The following ATAD1 variants were observed in gnomAD, a reference collection of about 807,000 sequenced individuals.
ATAD1 encodes outer mitochondrial transmembrane helix translocase.
Under a neutral mutation model 42.7 loss-of-function variants are expected in ATAD1, and 18 were observed. That is an observed-to-expected ratio of 0.42 (90% CI 0.29 to 0.63). ATAD1 has a LOEUF of 0.63. Among genes scored for constraint, ATAD1 ranks in the 20% least tolerant of loss-of-function variants. The pLI is 0.19. For synonymous variants in ATAD1, 132 were observed against 143.1 expected (o/e 0.92, Z 0.55); for missense variants, 294 against 440.4 (o/e 0.67, Z 2.98).
intron 8 of ATAD1, among the ~76,000 whole-genome samples, chr10:87,764,468 C>A (rs1388723927): frequency 1.3e-5 from 2 of 151,970 alleles, no homozygotes; most frequent in African/African-American, 4.8e-5. Context: ...TCACAAAAAA[C>A]AAACAAACAA....
At chr10:87,807,255 C>G (rs1477088344) in intron 2 of ATAD1, among the ~76,000 whole-genome samples, 2 of 152,112 alleles carry the variant, frequency 1.3e-5, no homozygotes, top group Non-Finnish European at 2.9e-5. Context: ...TTTTCCATTA[C>G]AAGCAGGGCT....
chr10:87,752,298 G>A lies in ATAD1; in HGVS notation c.*2389C>T, dbSNP rs980905337. 6.6e-6 allele frequency: 1 copy of A among 152,106 alleles called. No individual in the cohort carries two copies. Among genetic ancestry groups the A allele is most frequent in the African/African-American group, 2.4e-5 (1 of 41,412 alleles). The allele number at this position is 152,106 out of a possible 1,614,324, so 9.4% of individuals were successfully genotyped here. On this transcript the variant is annotated 3_prime_UTR_variant, in exon 10 of 10. Coordinates refer to ENST00000680024, the MANE Select transcript of ATAD1 (RefSeq NM_001321967.2). ...AATGATCCTTTCAGTCTCAATCCCT[G>A]GAGTACAGGCCTAGGGATTATGGAA...
intron 6 of ATAD1, among the ~76,000 whole-genome samples, chr10:87,772,682 A>G (rs1436476130): frequency 6.6e-6 from 1 of 152,158 alleles, no homozygotes; most frequent in Admixed American, 6.5e-5. Context: ...AAATAGAACC[A>G]AGGAATCCAA....
chr10:87,766,135 T>C (rs1285705415), intron 8 of ATAD1, among the ~76,000 whole-genome samples: 2 of 152,152 alleles, frequency 1.3e-5, no homozygotes, highest in South Asian at 2.1e-4. Context: ...GGCAAGACTA[T>C]AGGAAAAGAG....
chr10:87,764,076 G>T (rs1047761423), intron 8 of ATAD1, among the ~76,000 whole-genome samples: 3 of 151,852 alleles, frequency 2.0e-5, no homozygotes, highest in Non-Finnish European at 4.4e-5. Context: ...AGTGCATAAA[G>T]ACACGAAAGA....
At chr10:87,828,585 C>T (rs11202577) in intron 1 of ATAD1, among the ~76,000 whole-genome samples, 35,723 of 152,142 alleles carry the variant, frequency 0.23, 5,295 homozygotes, top group Non-Finnish European at 0.34. Context: ...CAGTAATTTA[C>T]CCAGAAGATC....
intron 5 of ATAD1, among the ~76,000 whole-genome samples, chr10:87,783,623 T>C (rs2131880457): frequency 6.6e-6 from 1 of 151,574 alleles, no homozygotes; most frequent in East Asian, 1.9e-4. Context: ...ATATATCCAA[T>C]ACTAATAATA....
intron 2 of ATAD1, among the ~76,000 whole-genome samples, chr10:87,806,669 C>T (rs926870957): frequency 5.9e-5 from 9 of 152,168 alleles, no homozygotes; most frequent in East Asian, 1.9e-4. Context: ...CTTTTCTCCG[C>T]GAATATTATG....
intron 2 of ATAD1, among the ~76,000 whole-genome samples, chr10:87,802,689 CTAT>C (rs950569718): frequency 6.6e-6 from 1 of 150,944 alleles, no homozygotes; most frequent in Admixed American, 6.6e-5. Flanking sequence ...TCTTGCTGCA[CTAT>C]ATACAAACAA....
intron 1 of ATAD1, among the ~76,000 whole-genome samples, chr10:87,823,254 T>C (rs939702525): frequency 2.0e-5 from 3 of 152,186 alleles, no homozygotes; most frequent in Non-Finnish European, 4.4e-5. Flanking sequence ...TAATCCACAA[T>C]CTGCATTTCT....
intron 1 of ATAD1, chr10:87,832,726 A>G (rs1264253678): frequency 6.6e-6 from 1 of 152,162 alleles, no homozygotes; most frequent in East Asian, 1.9e-4. Context: ...GCTATATTTT[A>G]CAAATTTGTT....
chr10:87,805,474 C>T (rs1856880609), intron 2 of ATAD1, among the ~76,000 whole-genome samples: 2 of 152,100 alleles, frequency 1.3e-5, no homozygotes, highest in Admixed American at 1.3e-4. Context: ...CAATTGAGTT[C>T]CCAATAAATG....
chr10:87,818,756 C>T (rs1427305506), upstream of ATAD1: 1 of 152,296 alleles, frequency 6.6e-6, no homozygotes, highest in Non-Finnish European at 1.5e-5. Flanking sequence ...TGACAAACAC[C>T]TCGGGGTGGC....
chr10:87,780,314 G>A (rs1251441308), intron 5 of ATAD1, among the ~76,000 whole-genome samples: 1 of 152,064 alleles, frequency 6.6e-6, no homozygotes, highest in Non-Finnish European at 1.5e-5. Flanking sequence ...GGAGGAAAAG[G>A]GAAGGACAAA....
rs186472886 is a variant in ATAD1 at position 87,755,888 on chromosome 10, C to T, written c.965+901G>A. Among the ~76,000 whole-genome samples the T allele has an allele frequency of 3.4e-4, 52 of 152,064 alleles. No homozygotes were observed. The East Asian group carries it at 8.7e-3, about 25-fold the overall frequency. On this transcript the variant is annotated intron_variant, in intron 9 of 9. Transcript: ENST00000680024. ...CTTCACTCCAGCCTGGGCAAAAGAG[C>T]GAAACTCCGTCTCAAAAAAAAGAAT...
intron 2 of ATAD1, among the ~76,000 whole-genome samples, chr10:87,801,165 A>G (rs141232244): frequency 7.3e-4 from 111 of 152,332 alleles, no homozygotes; most frequent in African/African-American, 2.4e-3. Flanking sequence ...ATTAGGCCTT[A>G]TCGTTTGGAG....
chr10:87,766,138 G>C (rs1355892216), intron 8 of ATAD1, among the ~76,000 whole-genome samples: 3 of 152,144 alleles, frequency 2.0e-5, no homozygotes. Flanking sequence ...AAGACTATAG[G>C]AAAAGAGGCA....
At position 87,784,433 on chromosome 10, in the gene ATAD1, GGCCTTTAAAAATACTCA is replaced by G; in HGVS notation, c.583+20_583+36del. 6 of 1,573,892 alleles carry G rather than the reference GGCCTTTAAAAATACTCA, an allele frequency of 3.8e-6. No individual in the cohort carries two copies. Among genetic ancestry groups the G allele is most frequent in the Non-Finnish European group, 5.2e-6 (6 of 1,148,424 alleles). On this transcript the variant is annotated intron_variant, in intron 5 of 9. Coordinates refer to ENST00000680024, the MANE Select transcript of ATAD1 (RefSeq NM_001321967.2). ...TGGTTATCTAAATATCTCTAAAAAT[GGCCTTTAAAAATACTCA>G]TATAGAAAACATAGCATACCTATTT...
chr10:87,839,286 C>T (rs1295564212), intron 1 of ATAD1, among the ~76,000 whole-genome samples: 1 of 152,194 alleles, frequency 6.6e-6, no homozygotes, highest in Non-Finnish European at 1.5e-5. Flanking sequence ...AATCTCAAGG[C>T]TAGGTGACCT....
Sources: allele counts gnomAD v4.1 joint callset (sites outside exome capture counted in the v4.1 genomes callset), GRCh38; gene constraint gnomAD v4.1.1; transcripts MANE v1.5; gene names NCBI Gene and HGNC (gene_info 2026-07-23, HGNC 2026-07-21).